Variants in SLCO1C1 observed in about 807,000 individuals in gnomAD.
SLCO1C1 encodes the protein OAT-RP-5.
A neutral mutation model predicts 76.4 loss-of-function variants in SLCO1C1; 70 were observed. The ratio of observed to expected loss-of-function variants is 0.92; its 90% CI spans 0.76 to 1.12. The LOEUF (loss-of-function observed/expected upper bound fraction) is 1.12. SLCO1C1 is among the 50% of genes most tolerant of loss of function. The pLI, the probability that SLCO1C1 is intolerant of heterozygous loss-of-function variation, is 0.00. For synonymous variants in SLCO1C1, 306 were observed against 286.1 expected, an observed-to-expected ratio of 1.07 and a Z score of -0.70; for missense variants, 912 against 823.8, an observed-to-expected ratio of 1.11 and a Z score of -1.31.
intron 7 of SLCO1C1, among the ~76,000 whole-genome samples, chr12:20,719,729 T>G (rs920234338): frequency 3.3e-5 from 5 of 152,238 alleles, no homozygotes; most frequent in African/African-American, 1.2e-4. Flanking sequence ...AAGAAAAGTT[T>G]GAAGCTGGCG....
intron 11 of SLCO1C1, among the ~76,000 whole-genome samples, chr12:20,738,862 T>A (rs1948672731): frequency 6.6e-6 from 1 of 152,158 alleles, no homozygotes. Flanking sequence ...GCTTAACTCA[T>A]TTATCTAGTG....
At chr12:20,726,290 C>T (rs1307518887) in intron 9 of SLCO1C1, among the ~76,000 whole-genome samples, 9 of 150,796 alleles carry the variant, frequency 6.0e-5, no homozygotes, top group Admixed American at 6.0e-4. Flanking sequence ...TAATGATCTT[C>T]CTGCAATAAA....
intron 7 of SLCO1C1, among the ~76,000 whole-genome samples, chr12:20,721,033 A>T (rs1019785197): frequency 2.7e-5 from 4 of 150,646 alleles, no homozygotes; most frequent in African/African-American, 7.3e-5. Context: ...TAAACAGATG[A>T]AGGGTTGCTT....
chr12:20,751,300 C>T (rs901641963), intron 14 of SLCO1C1, among the ~76,000 whole-genome samples: 1 of 152,042 alleles, frequency 6.6e-6, no homozygotes, highest in African/African-American at 2.4e-5. Context: ...AAGGTTTTCT[C>T]TGTGTGGGTG....
At chr12:20,727,722 GATGGTC>G (rs1948090444) in intron 9 of SLCO1C1, among the ~76,000 whole-genome samples, 1 of 152,136 alleles carries the variant, frequency 6.6e-6, no homozygotes, top group South Asian at 2.1e-4. Context: ...TGTTAGCCAG[GATGGTC>G]TCAATCTCCT....
chr12:20,722,606 G>A (rs1947733373), intron 8 of SLCO1C1, among the ~76,000 whole-genome samples: 1 of 151,984 alleles, frequency 6.6e-6, no homozygotes, highest in Non-Finnish European at 1.5e-5. Flanking sequence ...CTACATAATA[G>A]GAAAAAGGGA....
chr12:20,750,682 C>T lies in SLCO1C1; in HGVS notation c.1806C>T (p.Ile602=). The change falls in exon 14 of 15, where the codon ATC becomes ATT. Residue 602 remains isoleucine (I), a synonymous_variant. Coordinates refer to ENST00000266509, the MANE Select transcript of SLCO1C1 (RefSeq NM_017435.5). The part of the protein sequence containing the change: ...YTLAIRVLAG[I]PAPVYFGVLI... ...TATTTGTTTTTCTCACAGCAGGAAT[C>T]CCAGCTCCAGTGTATTTTGGAGTTT... 6.2e-7 allele frequency: 1 copy of T among 1,613,782 alleles called. No homozygotes were observed. Among genetic ancestry groups the T allele is most frequent in the Non-Finnish European group, 8.5e-7 (1 of 1,179,748 alleles).
At chr12:20,718,716 C>A (rs1947504582) in intron 7 of SLCO1C1, among the ~76,000 whole-genome samples, 1 of 152,082 alleles carries the variant, frequency 6.6e-6, no homozygotes, top group Non-Finnish European at 1.5e-5. Flanking sequence ...AGAGGAGTCG[C>A]CACATGAGGT....
intron 1 of SLCO1C1, among the ~76,000 whole-genome samples, chr12:20,697,962 G>C (rs1310166642): frequency 6.6e-6 from 1 of 151,926 alleles, no homozygotes; most frequent in Admixed American, 6.6e-5. Context: ...AAGCACTTCT[G>C]GTGCATCATC....
At position 20,715,234 on chromosome 12, in the gene SLCO1C1, A is replaced by G; in HGVS notation, c.625A>G (p.Ile209Val). The G allele has an allele frequency of 6.2e-7, 1 of 1,614,070 alleles. No individual in the cohort carries two copies. The highest frequency in any genetic ancestry group is 8.5e-7 in the Non-Finnish European group (1 of 1,179,934). ...IGETPIQPLG[I>V]AYLDDFASED... is the part of the protein sequence containing the mutation. The stretch of plus-strand genomic sequence containing the variant: ...AGAAACTCCCATTCAGCCTTTGGGC[A>G]TTGCCTACCTGGATGATTTTGCCAG... Residue 209 changes from isoleucine to valine, a missense_variant, in exon 6 of 15, where the codon ATT (isoleucine) becomes GTT (valine). Ile to Val is a conservative substitution (Grantham distance 29). Transcript: ENST00000266509.
At chr12:20,727,570 C>A (rs1036294492) in intron 9 of SLCO1C1, among the ~76,000 whole-genome samples, 11 of 152,180 alleles carry the variant, frequency 7.2e-5, no homozygotes, top group Non-Finnish European at 5.9e-5. Context: ...AGTGCAGTGG[C>A]GCCATCTCGG....
chr12:20,740,200 C>G lies in SLCO1C1; in HGVS notation c.1565C>G (p.Thr522Ser), dbSNP rs761738109. 1.9e-6 allele frequency: 3 copies of G among 1,611,272 alleles called. No homozygotes were observed. Among genetic ancestry groups the G allele is most frequent in the South Asian group, 1.1e-5 (1 of 90,406 alleles). The change falls in exon 12 of 15, where the codon ACT becomes AGT. Residue 522 changes from threonine to serine, a missense_variant. Physicochemically the swap from Thr to Ser is moderately conservative, Grantham distance 58 (BLOSUM62 1). Coordinates refer to ENST00000266509, the MANE Select transcript of SLCO1C1 (RefSeq NM_017435.5). ...SGKNIIFYNC[T>S]CVGIAASKSG... is the part of the protein sequence containing the mutation. ...GTGTTACAGATATTTTACAACTGCA[C>G]TTGTGTGGGAATTGCAGCTTCTAAA...
In SLCO1C1 at chr12:20,752,407, G is replaced by T. The variant is rs764449158; in HGVS notation, c.2018G>T (p.Arg673Ile). ...ILKKNYVSKH[R>I]SFITKRERTM... ...AAGAAAAATTATGTTTCAAAACACAGAAGTTTTATAACCAAGAGAGAAAGA... is the reference window on the plus strand; with the variant it reads ...AAGAAAAATTATGTTTCAAAACACATAAGTTTTATAACCAAGAGAGAAAGA... The change falls in exon 15 of 15, where the codon AGA becomes ATA. Residue 673 changes from arginine to isoleucine, a missense_variant. By Grantham distance (97) the Arg-to-Ile change is moderately conservative. Transcript: ENST00000266509. The T allele has an allele frequency of 6.2e-6, 10 of 1,613,264 alleles. No homozygotes were observed. In the South Asian group the frequency reaches 9.9e-5, roughly 16 times the overall value.
At chr12:20,719,114 AT>A (rs1947527180) in intron 7 of SLCO1C1, among the ~76,000 whole-genome samples, 1 of 149,762 alleles carries the variant, frequency 6.7e-6, no homozygotes, top group African/African-American at 2.4e-5. Context: ...TATTATTATT[AT>A]TATTATTATT....
intron 7 of SLCO1C1, among the ~76,000 whole-genome samples, chr12:20,720,151 G>C (rs1042680761): frequency 2.0e-5 from 3 of 152,048 alleles, no homozygotes; most frequent in African/African-American, 7.2e-5. Context: ...TTGCAGCATG[G>C]TTTACTAACT....
intron 7 of SLCO1C1, among the ~76,000 whole-genome samples, chr12:20,718,262 A>G (rs1443331800): frequency 6.6e-6 from 1 of 152,160 alleles, no homozygotes; most frequent in African/African-American, 2.4e-5. Context: ...TTTACCCAGT[A>G]TAATGCAGTG....
chr12:20,712,277 C>A (rs761091105), intron 5 of SLCO1C1, among the ~76,000 whole-genome samples: 1 of 152,138 alleles, frequency 6.6e-6, no homozygotes, highest in Non-Finnish European at 1.5e-5. Flanking sequence ...GTCTGAGACA[C>A]CCTTGGCAAT....
At chr12:20,736,347 G>A (rs1948540257) in intron 10 of SLCO1C1, among the ~76,000 whole-genome samples, 1 of 149,108 alleles carries the variant, frequency 6.7e-6, no homozygotes, top group South Asian at 2.2e-4. Flanking sequence ...GGGGGGGGGT[G>A]CAAATTTTGT....
intron 13 of SLCO1C1, among the ~76,000 whole-genome samples, chr12:20,749,921 A>C (rs1261792564): frequency 6.6e-6 from 1 of 152,222 alleles, no homozygotes; most frequent in Non-Finnish European, 1.5e-5. Context: ...TGTGAATAAG[A>C]GAAAATCATT....
Sources: allele counts gnomAD v4.1 joint callset (sites outside exome capture counted in the v4.1 genomes callset), GRCh38; gene constraint gnomAD v4.1.1; transcripts MANE v1.5; gene names NCBI Gene and HGNC (gene_info 2026-07-23, HGNC 2026-07-21).